Variants in SNX2 observed in about 807,000 individuals in gnomAD.
SNX2 encodes sorting nexin-2.
In SNX2, 25 loss-of-function variants were observed where a neutral mutation model predicts 69.9. The observed-to-expected ratio is 0.36, with a 90% CI of 0.26 to 0.50. The LOEUF is 0.50. Ranked by LOEUF, SNX2 falls within the 20% of genes least tolerant of loss-of-function variation. SNX2 has a pLI of 0.97. For synonymous variants in SNX2, 229 were observed against 200.4 expected, an observed-to-expected ratio of 1.14 and a Z score of -1.20; for missense variants, 551 against 613.3, an observed-to-expected ratio of 0.90 and a Z score of 1.07.
intron 11 of SNX2, among the ~76,000 whole-genome samples, chr5:122,819,362 T>C (rs1178573104): frequency 1.3e-5 from 2 of 152,206 alleles, no homozygotes; most frequent in Non-Finnish European, 2.9e-5. Context: ...CTATTATCAT[T>C]AGTAAAGCTG....
chr5:122,803,482 C>G lies in SNX2; in HGVS notation c.512C>G (p.Ser171Cys), dbSNP rs764928550. Reference sequence around the variant, plus strand: ...CTTCTTCACTTGTAGACATCTCTTTCCATGTTCAGTAAGAGTGAATTTTCA... The same window carrying G: ...CTTCTTCACTTGTAGACATCTCTTTGCATGTTCAGTAAGAGTGAATTTTCA... Reference protein sequence around the residue: ...AYRVTTKTSLSMFSKSEFSVK... With the variant: ...AYRVTTKTSLCMFSKSEFSVK... Residue 171 changes from serine (S) to cysteine (C), a missense_variant, in exon 6 of 15, where the codon TCC becomes TGC. By Grantham distance (112) the Ser-to-Cys change is moderately radical (BLOSUM62 -1). Transcript: ENST00000379516. 1 of 1,608,392 alleles carries G rather than the reference C, an allele frequency of 6.2e-7. No individual in the cohort carries two copies. The highest frequency in any genetic ancestry group is 8.5e-7 in the Non-Finnish European group (1 of 1,178,580).
intron 6 of SNX2, among the ~76,000 whole-genome samples, chr5:122,807,655 T>G (rs1753687365): frequency 6.6e-6 from 1 of 152,192 alleles, no homozygotes; most frequent in Non-Finnish European, 1.5e-5. Flanking sequence ...CAGCCTGAAA[T>G]TAAATTGCCC....
intron 8 of SNX2, 74 bp downstream of exon 8, chr5:122,816,045 T>C: frequency 1.4e-6 from 1 of 692,606 alleles, no homozygotes. Flanking sequence ...TGACTATATA[T>C]AGTAAATAAT....
chr5:122,804,461 G>A (rs1320420737), intron 6 of SNX2, among the ~76,000 whole-genome samples: 2 of 151,358 alleles, frequency 1.3e-5, no homozygotes, highest in Admixed American at 1.3e-4. Flanking sequence ...CGCCTCCTGG[G>A]TTTAAGTGAT....
intron 1 of SNX2, among the ~76,000 whole-genome samples, chr5:122,778,119 C>G (rs1356823389): frequency 6.6e-6 from 1 of 152,200 alleles, no homozygotes; most frequent in East Asian, 1.9e-4. Context: ...TAATGTCCTC[C>G]AAGCTCATCC....
chr5:122,789,049 G>T (rs1481874195), intron 1 of SNX2, among the ~76,000 whole-genome samples: 4 of 151,954 alleles, frequency 2.6e-5, no homozygotes, highest in African/African-American at 9.7e-5. Flanking sequence ...TAATCCTCTG[G>T]AGACTATTGG....
chr5:122,821,871 G>T (rs1421179706), intron 11 of SNX2, among the ~76,000 whole-genome samples: 2 of 152,104 alleles, frequency 1.3e-5, no homozygotes, highest in Non-Finnish European at 2.9e-5. Flanking sequence ...TGGACATAAA[G>T]ATTCTATAAG....
At chr5:122,783,103 AT>A (rs200375716) in intron 1 of SNX2, among the ~76,000 whole-genome samples, 1,943 of 144,162 alleles carry the variant, frequency 0.013, 48 homozygotes, top group African/African-American at 0.044. Context: ...TGCCCAGCTA[AT>A]TTTTTTTTTT....
intron 1 of SNX2, 162 bp downstream of exon 1, chr5:122,775,373 C>A: frequency 7.4e-7 from 1 of 1,348,280 alleles, no homozygotes; most frequent in Non-Finnish European, 9.6e-7. Context: ...GAGGGATGTG[C>A]TTGGGCTGAG....
At chr5:122,818,758 A>G (rs1753953980) in intron 10 of SNX2, 60 bp from the exon 11 acceptor site, 2 of 1,389,988 alleles carry the variant, frequency 1.4e-6, no homozygotes, top group Admixed American at 4.2e-5. Context: ...AAAAATCAAT[A>G]CAATATTTTA....
At chr5:122,807,531 A>G (rs1372435409) in intron 6 of SNX2, among the ~76,000 whole-genome samples, 1 of 152,138 alleles carries the variant, frequency 6.6e-6, no homozygotes, top group Non-Finnish European at 1.5e-5. Context: ...AATTCCTTCC[A>G]CTTAGCATCA....
intron 1 of SNX2, among the ~76,000 whole-genome samples, chr5:122,776,236 A>G (rs1752854024): frequency 1.3e-5 from 2 of 152,308 alleles, no homozygotes; most frequent in East Asian, 1.9e-4. Context: ...AATTACTGTA[A>G]AATATCCATT....
intron 6 of SNX2, among the ~76,000 whole-genome samples, chr5:122,805,756 T>C (rs1228630423): frequency 1.3e-5 from 2 of 152,072 alleles, no homozygotes; most frequent in Non-Finnish European, 2.9e-5. Context: ...CTGAAATACA[T>C]TTAATGTGGA....
At chr5:122,803,362 C>T in intron 5 of SNX2, 110 bp from the exon 6 acceptor site, 1 of 1,017,214 alleles carries the variant, frequency 9.8e-7, no homozygotes, top group Non-Finnish European at 1.4e-6. Flanking sequence ...AGATACTCTG[C>T]ATTCTTTTGC....
At chr5:122,794,704 A>G (rs1422137107) in intron 1 of SNX2, among the ~76,000 whole-genome samples, 1 of 152,184 alleles carries the variant, frequency 6.6e-6, no homozygotes, top group East Asian at 1.9e-4. Context: ...ATGACAAACT[A>G]GTACCTCCAA....
chr5:122,783,253 GT>G (rs976649817), intron 1 of SNX2, among the ~76,000 whole-genome samples: 3 of 151,950 alleles, frequency 2.0e-5, no homozygotes, highest in Non-Finnish European at 4.4e-5. Flanking sequence ...CCAGTGACTT[GT>G]TTTTTTGTTT....
At chr5:122,801,652 C>CGTGTGTGTGTGTGTGTGTGTGTGTGT (rs61189602) in intron 3 of SNX2, among the ~76,000 whole-genome samples, 1 of 132,054 alleles carries the variant, frequency 7.6e-6, no homozygotes, top group African/African-American at 3.0e-5. Flanking sequence ...TGGTCTTTTT[C>CGTGTGTGTGTGTGTGTGTGTGTGTGT]GTGTGTGTGT....
chr5:122,776,730 CT>C (rs1317276558), intron 1 of SNX2, among the ~76,000 whole-genome samples: 5 of 152,212 alleles, frequency 3.3e-5, no homozygotes, highest in Middle Eastern at 3.4e-3. Context: ...TCAGAACAAA[CT>C]TGATTGACCC....
In SNX2 at chr5:122,832,021, T is replaced by G. The variant is rs564144171; in HGVS notation, c.*2373T>G. ...TTCACCCATCAATCTTCACTTCTCC[T>G]GTTCAGATAAAAATGCTTTCATCCC... On this transcript the variant is annotated 3_prime_UTR_variant, in exon 15 of 15. Transcript: ENST00000379516. Among the ~76,000 whole-genome samples the G allele has an allele frequency of 1.3e-5, 2 of 152,326 alleles. No individual in the cohort carries two copies. The highest frequency in any genetic ancestry group is 2.9e-5 in the Non-Finnish European group (2 of 68,016).
Sources: allele counts gnomAD v4.1 joint callset (sites outside exome capture counted in the v4.1 genomes callset), GRCh38; gene constraint gnomAD v4.1.1; transcripts MANE v1.5; gene names NCBI Gene and HGNC (gene_info 2026-07-23, HGNC 2026-07-21).